DGKB: variants seen among roughly 807,000 people sequenced by gnomAD.
DGKB encodes diacylglycerol kinase beta.
In DGKB, 67 loss-of-function variants were observed where a neutral mutation model predicts 114.3. The observed-to-expected ratio is 0.59, with a 90% CI of 0.48 to 0.72. DGKB has a LOEUF of 0.72. Among genes scored for constraint, DGKB ranks in the 30% least tolerant of loss-of-function variants. The pLI, the probability that DGKB is intolerant of heterozygous loss-of-function variation, is 0.00. For synonymous variants in DGKB, 398 were observed against 323.1 expected, an observed-to-expected ratio of 1.23 and a Z score of -2.49; for missense variants, 907 against 975.2, an observed-to-expected ratio of 0.93 and a Z score of 0.93.
intron 25 of DGKB, among the ~76,000 whole-genome samples, chr7:14,169,551 C>G (rs1026909863): frequency 1.3e-5 from 2 of 151,914 alleles, no homozygotes; most frequent in African/African-American, 2.4e-5. Flanking sequence ...GGAAGTGGTT[C>G]CTATGAGGCA....
In DGKB at chr7:14,896,181, T is replaced by C. The variant is rs776421319; in HGVS notation, c.-188+6411A>G. Among the ~76,000 whole-genome samples the C allele has an allele frequency of 4.6e-5, 7 of 151,688 alleles. No homozygotes were observed. In the Admixed American group the frequency reaches 4.6e-4, roughly 10 times the overall value. ...AGCCAATATAAAGCAAAACAGAATATCCTTTTGTATATTAAAGGATGATAG... is the reference window on the plus strand; with the variant it reads ...AGCCAATATAAAGCAAAACAGAATACCCTTTTGTATATTAAAGGATGATAG... On this transcript the variant is annotated intron_variant, in intron 1 of 25. Coordinates refer to ENST00000402815, the MANE Select transcript of DGKB (RefSeq NM_001350709.2).
intron 21 of DGKB, among the ~76,000 whole-genome samples, chr7:14,370,877 C>T (rs1191786124): frequency 2.6e-5 from 4 of 151,914 alleles, no homozygotes; most frequent in Non-Finnish European, 5.9e-5. Context: ...CCATGGGTAC[C>T]CAATGTTTAG....
At chr7:14,642,472 A>C (rs759852880) in intron 13 of DGKB, among the ~76,000 whole-genome samples, 28 of 152,208 alleles carry the variant, frequency 1.8e-4, no homozygotes, top group Non-Finnish European at 3.4e-4. Flanking sequence ...TAGAAAAGTC[A>C]AAGGAAACAA....
chr7:14,152,095 T>A (rs1782297434), intron 25 of DGKB, among the ~76,000 whole-genome samples: 1 of 152,018 alleles, frequency 6.6e-6, no homozygotes. Context: ...TTTGTATACA[T>A]TGAACATTCT....
intron 13 of DGKB, among the ~76,000 whole-genome samples, chr7:14,645,426 A>C (rs1812753988): frequency 6.6e-6 from 1 of 151,992 alleles, no homozygotes; most frequent in Non-Finnish European, 1.5e-5. Context: ...GAACAACAGG[A>C]CAGAAAAACC....
chr7:14,221,402 G>T (rs1052824261), intron 23 of DGKB, among the ~76,000 whole-genome samples: 1 of 151,128 alleles, frequency 6.6e-6, no homozygotes, highest in African/African-American at 2.4e-5. Context: ...GTTTTGTTGA[G>T]TACTTTATCT....
intron 21 of DGKB, among the ~76,000 whole-genome samples, chr7:14,454,027 T>C (rs1279552396): frequency 6.6e-6 from 1 of 152,170 alleles, no homozygotes; most frequent in African/African-American, 2.4e-5. Flanking sequence ...TGATATATCA[T>C]AGTTACACAC....
chr7:14,160,134 A>G lies in DGKB; in HGVS notation c.2305-10896T>C, dbSNP rs1783651023. ...AAGTCTTTGAGTTTTTCAAAATAATAATAGCTATTTATGACAAACCCACAG... is the reference window on the plus strand; with the variant it reads ...AAGTCTTTGAGTTTTTCAAAATAATGATAGCTATTTATGACAAACCCACAG... On this transcript the variant is annotated intron_variant, in intron 25 of 25. Coordinates refer to ENST00000402815, the MANE Select transcript of DGKB (RefSeq NM_001350709.2). 3.3e-5 allele frequency among the ~76,000 whole-genome samples: 5 copies of G among 152,212 alleles called. No individual in the cohort carries two copies. The South Asian group carries it at 8.3e-4, about 25-fold the overall frequency.
At chr7:14,311,926 A>G (rs1055744639) in intron 23 of DGKB, among the ~76,000 whole-genome samples, 2 of 152,168 alleles carry the variant, frequency 1.3e-5, no homozygotes, top group African/African-American at 4.8e-5. Flanking sequence ...CTATAAAAAT[A>G]TGGATAGATA....
chr7:14,242,373 G>A (rs1793808238), intron 23 of DGKB, among the ~76,000 whole-genome samples: 1 of 152,164 alleles, frequency 6.6e-6, no homozygotes, highest in South Asian at 2.1e-4. Context: ...GACTTTCTGT[G>A]AGGTAAGAGG....
chr7:14,417,207 C>A (rs35690340), intron 21 of DGKB, among the ~76,000 whole-genome samples: 40,172 of 151,892 alleles, frequency 0.26, 5,815 homozygotes, highest in East Asian at 0.47. Context: ...AAGTTTTAGG[C>A]TTCTACATTT....
At chr7:14,966,962 G>A (rs1046935823) in intron 1 of DGKB, among the ~76,000 whole-genome samples, 1 of 152,064 alleles carries the variant, frequency 6.6e-6, no homozygotes, top group Non-Finnish European at 1.5e-5. Flanking sequence ...TATTATGCAT[G>A]AATTGTACAT....
intron 17 of DGKB, among the ~76,000 whole-genome samples, chr7:14,599,550 C>T (rs1253132867): frequency 6.6e-6 from 1 of 152,214 alleles, no homozygotes; most frequent in African/African-American, 2.4e-5. Flanking sequence ...TTCTCCACCT[C>T]ATTTAAAAGA....
chr7:14,499,226 G>T (rs1457538107), intron 20 of DGKB, among the ~76,000 whole-genome samples: 2 of 151,578 alleles, frequency 1.3e-5, no homozygotes, highest in East Asian at 3.9e-4. Context: ...CCCTTTTACT[G>T]CTTTTTGCCC....
chr7:14,892,037 G>T (rs6961664), intron 1 of DGKB, among the ~76,000 whole-genome samples: 23,624 of 151,304 alleles, frequency 0.16, 2,083 homozygotes, highest in African/African-American at 0.22. Context: ...GGAAAATAAA[G>T]ATTTGTGCAA....
At chr7:14,170,645 C>T (rs1014607041) in intron 25 of DGKB, among the ~76,000 whole-genome samples, 4 of 151,874 alleles carry the variant, frequency 2.6e-5, no homozygotes, top group South Asian at 2.1e-4. Flanking sequence ...ATTTAGCAAG[C>T]GATTAAAGAG....
At chr7:14,176,940 C>T (rs1206411755) in intron 24 of DGKB, 41 bp from the exon 25 acceptor site, 1 of 1,610,140 alleles carries the variant, frequency 6.2e-7, no homozygotes, top group Non-Finnish European at 8.5e-7. Flanking sequence ...CAAGGAAATA[C>T]TTTATATTAC....
chr7:14,880,351 G>T (rs1174356643), intron 1 of DGKB, among the ~76,000 whole-genome samples: 1 of 152,100 alleles, frequency 6.6e-6, no homozygotes, highest in East Asian at 1.9e-4. Flanking sequence ...CCAGCTACTC[G>T]GGAGGCTGAG....
intron 20 of DGKB, among the ~76,000 whole-genome samples, chr7:14,552,687 G>C (rs1328358269): frequency 6.6e-6 from 1 of 152,166 alleles, no homozygotes; most frequent in African/African-American, 2.4e-5. Flanking sequence ...CCATGAATTT[G>C]ACTACACTTT....
Sources: gnomAD v4.1 joint callset for allele counts (sites outside exome capture counted in the v4.1 genomes callset) on GRCh38, gnomAD v4.1.1 for gene constraint, MANE v1.5 for transcripts, NCBI Gene and HGNC (gene_info 2026-07-23, HGNC 2026-07-21) for gene names.